The following DOP1A variants were observed in gnomAD, a reference collection of about 807,000 sequenced individuals.
The protein encoded by DOP1A is protein DOP1A.
Under a neutral mutation model 267.6 loss-of-function variants are expected in DOP1A, and 90 were observed. The observed-to-expected ratio is 0.34, with a 90% CI of 0.28 to 0.40. DOP1A has a LOEUF of 0.40. DOP1A is among the 10% of genes least tolerant of loss of function. The pLI is 1.00. For synonymous variants in DOP1A, 932 were observed against 999.1 expected (o/e 0.93, Z 1.27); for missense variants, 2,437 against 2,900.4 (o/e 0.84, Z 3.67).
chr6:83,166,322 G>T, intron 38 of DOP1A: 1 of 657,478 alleles, frequency 1.5e-6, no homozygotes, highest in Non-Finnish European at 2.7e-6. Flanking sequence ...ATCAATTTCC[G>T]ATGACTGGCC....
intron 1 of DOP1A, among the ~76,000 whole-genome samples, chr6:83,088,697 G>C (rs1769773227): frequency 6.6e-6 from 1 of 152,146 alleles, no homozygotes; most frequent in Non-Finnish European, 1.5e-5. Context: ...TGGGATTACA[G>C]GTGTGAGCCA....
At position 83,118,830 on chromosome 6, in the gene DOP1A, G is replaced by T. The variant is rs1775884847; in HGVS notation, c.781-58G>T. ...ATATTTCAGGGCATTTTTTAAAGAG[G>T]AAAAAAATAATATATATTGTATATT... On this transcript the variant is annotated intron_variant, in intron 7 of 38. Transcript: ENST00000349129. 2.0e-6 allele frequency: 3 copies of T among 1,466,926 alleles called. No homozygotes were observed. The East Asian group carries it at 6.9e-5, about 34-fold the overall frequency. 90.9% of individuals were successfully genotyped at this position (1,466,926 alleles called of 1,614,324 possible).
chr6:83,124,407 T>C (rs1345845122), intron 12 of DOP1A, among the ~76,000 whole-genome samples: 6 of 152,076 alleles, frequency 3.9e-5, no homozygotes. Flanking sequence ...CACTGTTAAC[T>C]AGGAGGTGAT....
intron 1 of DOP1A, among the ~76,000 whole-genome samples, chr6:83,095,292 A>AT (rs201041308): frequency 0.012 from 1,761 of 152,154 alleles, 41 homozygotes; most frequent in African/African-American, 0.04. Flanking sequence ...TTAATCCTAT[A>AT]TTTTTTTCTG....
At chr6:83,110,398 A>C in intron 6 of DOP1A, 84 bp downstream of exon 6, 1 of 1,321,626 alleles carries the variant, frequency 7.6e-7, no homozygotes, top group African/African-American at 1.5e-5. Context: ...AGGATTGTAT[A>C]ATGAACAAAG....
chr6:83,082,659 A>G (rs73483005), intron 1 of DOP1A, among the ~76,000 whole-genome samples: 2,612 of 152,346 alleles, frequency 0.017, 91 homozygotes, highest in African/African-American at 0.059. Context: ...TGTTCTTACC[A>G]CAAAAATGAC....
chr6:83,125,616 A>G lies in DOP1A; in HGVS notation c.1602A>G (p.Arg534=). 1 of 1,613,794 alleles carries G rather than the reference A, an allele frequency of 6.2e-7. No homozygotes were observed. The highest frequency in any genetic ancestry group is 8.5e-7 in the Non-Finnish European group (1 of 1,179,808). ...LHLSELTDSL[R]LCSKILSKVQ... ...TATCTGAACTCACAGATTCTCTCAG[A>G]CTCTGCTCAAAGATCCTTAGCAAGG... The change falls in exon 15 of 39, where the codon AGA becomes AGG. Residue 534 remains arginine (R), a synonymous_variant. Transcript: ENST00000349129.
In DOP1A at chr6:83,118,919, C is replaced by T; in HGVS notation, c.812C>T (p.Ser271Leu). The part of the protein sequence containing the change: ...ATRPDMIRIL[S>L]AALHVVLRRD... ...CGACCGGATATGATCAGGATCTTGT[C>T]AGCAGCCCTTCATGTAGTGCTAAGG... Residue 271 changes from serine (S) to leucine (L), a missense_variant, in exon 8 of 39, where the codon TCA becomes TTA. Coordinates refer to ENST00000349129, the MANE Select transcript of DOP1A (RefSeq NM_015018.4). 6.2e-7 allele frequency: 1 copy of T among 1,613,636 alleles called. No homozygotes were observed. The highest frequency in any genetic ancestry group is 8.5e-7 in the Non-Finnish European group (1 of 1,179,704).
Position 83,105,356 on chromosome 6 carries a change from C to CTTTTTTTTTTTTT in DOP1A, c.321-3538_321-3526dup, listed in dbSNP as rs70987733. 9.1e-5 allele frequency among the ~76,000 whole-genome samples: 6 copies of CTTTTTTTTTTTTT among 65,892 alleles called. 1 individual carries two copies. The highest frequency in any genetic ancestry group is 2.3e-4 in the Admixed American group (1 of 4,408). 43.2% of individuals were successfully genotyped at this position (65,892 alleles called of 152,430 possible). ...AAGAGAAATGAACATGGATGTCTTT[C>CTTTTTTTTTTTTT]TTTTTTTTTTTTTTTTTTTTTTTTT... On this transcript the variant is annotated intron_variant, in intron 4 of 38. Coordinates refer to ENST00000349129, the MANE Select transcript of DOP1A (RefSeq NM_015018.4).
rs1397012205 is a variant in DOP1A, at chr6:83,138,455, T to C, written c.4413T>C (p.His1471=). ...LYYMRSHYPT[H]VKVTAQDLIG... is the part of the protein sequence containing the mutation. ...ACATGCGTAGCCATTACCCAACTCA[T>C]GTCAAGGTTACTGCACAAGATTTAA... Residue 1471 remains histidine, a synonymous_variant, in exon 21 of 39, where the codon CAT becomes CAC. Coordinates refer to ENST00000349129, the MANE Select transcript of DOP1A (RefSeq NM_015018.4). 9 of 1,612,780 alleles carry C rather than the reference T, an allele frequency of 5.6e-6. No individual in the cohort carries two copies. The highest frequency in any genetic ancestry group is 3.3e-5 in the Admixed American group (2 of 60,006).
intron 1 of DOP1A, among the ~76,000 whole-genome samples, chr6:83,096,059 G>A (rs894136606): frequency 1.3e-5 from 2 of 152,068 alleles, no homozygotes; most frequent in Non-Finnish European, 2.9e-5. Context: ...TAAGGTGCTG[G>A]GGGATTGGGA....
chr6:83,109,621 G>A (rs1461887331), intron 5 of DOP1A, among the ~76,000 whole-genome samples: 1 of 152,106 alleles, frequency 6.6e-6, no homozygotes, highest in African/African-American at 2.4e-5. Context: ...AGCTGTTGAC[G>A]TGGTACTCTT....
intron 1 of DOP1A, among the ~76,000 whole-genome samples, chr6:83,094,816 G>A (rs1771147106): frequency 6.6e-6 from 1 of 152,084 alleles, no homozygotes; most frequent in Non-Finnish European, 1.5e-5. Flanking sequence ...CTCCTATTCT[G>A]TCAGTTGTCT....
intron 12 of DOP1A, 140 bp downstream of exon 12, chr6:83,123,122 ACT>A (rs1244808130): frequency 1.1e-6 from 1 of 946,782 alleles, no homozygotes; most frequent in Non-Finnish European, 1.5e-6. Flanking sequence ...CCATAATCTG[ACT>A]CTACCTTGTC....
downstream of DOP1A, chr6:83,169,177 G>T (rs1786524189): frequency 1.9e-5 from 30 of 1,602,058 alleles, no homozygotes; most frequent in Non-Finnish European, 2.4e-5. Flanking sequence ...CATTATTATT[G>T]ACAGTTTTGT....
intron 20 of DOP1A, 75 bp from the exon 21 acceptor site, chr6:83,137,097 AG>A: frequency 7.8e-7 from 1 of 1,277,528 alleles, no homozygotes. Flanking sequence ...AATTTTGATC[AG>A]TCTACATTTC....
At position 83,139,120 on chromosome 6, in the gene DOP1A, T is replaced by G. The variant is rs1205030331; in HGVS notation, c.5078T>G (p.Leu1693Arg). The change falls in exon 21 of 39, where the codon CTA (leucine) becomes CGA (arginine). Residue 1693 changes from leucine to arginine, a missense_variant. By Grantham distance (102) the Leu-to-Arg change is moderately radical. Around this residue, in one of 9 missense-constraint regions of DOP1A, gnomAD observed 307 missense variants for 308.6 expected, o/e 0.99. Transcript: ENST00000349129. ...TLQLCRNLDN[L>R]IQQYKYETGL... is the part of the protein sequence containing the mutation. ...CAACTGTGCAGAAATTTAGATAATC[T>G]AATTCAGCAGTACAAATACGAAACA... 1.2e-6 allele frequency: 2 copies of G among 1,613,886 alleles called. No homozygotes were observed. Among genetic ancestry groups the G allele is most frequent in the Non-Finnish European group, 1.7e-6 (2 of 1,179,838 alleles).
In DOP1A at chr6:83,154,063, GTA is replaced by G. The variant is rs774550343; in HGVS notation, c.6389+22_6389+23del. ...TAATCAGTAAGTTGCCCTCTTATTTGTATTCAGCATGATGCACCTCACAGTCT... is the reference window on the plus strand; with the variant it reads ...TAATCAGTAAGTTGCCCTCTTATTTGTTCAGCATGATGCACCTCACAGTCT... On this transcript the variant is annotated intron_variant, in intron 32 of 38. Transcript: ENST00000349129. 1.5e-5 allele frequency: 25 copies of G among 1,613,482 alleles called. No homozygotes were observed. The highest frequency in any genetic ancestry group is 2.0e-5 in the Non-Finnish European group (24 of 1,179,856).
chr6:83,134,851 C>T (rs931348122), intron 19 of DOP1A, among the ~76,000 whole-genome samples: 1 of 152,038 alleles, frequency 6.6e-6, no homozygotes, highest in Non-Finnish European at 1.5e-5. Flanking sequence ...ATAAGGTAGT[C>T]TCACCAGTTG....
Sources: gnomAD v4.1 joint callset for allele counts (sites outside exome capture counted in the v4.1 genomes callset) on GRCh38, gnomAD v4.1.1 for gene constraint, gnomAD v4.1.1 regional missense constraint, MANE v1.5 for transcripts, NCBI Gene and HGNC (gene_info 2026-07-23, HGNC 2026-07-21) for gene names.